TMEM181: variants seen among roughly 807,000 people sequenced by gnomAD.
TMEM181 encodes G protein-coupled receptor 178.
In TMEM181, 39 loss-of-function variants were observed where a neutral mutation model predicts 71.9. The ratio of observed to expected loss-of-function variants is 0.54; its 90% CI spans 0.42 to 0.71. TMEM181 has a LOEUF of 0.71. Ranked by LOEUF, TMEM181 falls within the 30% of genes least tolerant of loss-of-function variation. The probability of loss-of-function intolerance (pLI) is 0.00; values close to 1 mark genes in which losing one functional copy is unlikely to be tolerated. For synonymous variants in TMEM181, 245 were observed against 228.8 expected (o/e 1.07, Z -0.64); for missense variants, 595 against 583.0 (o/e 1.02, Z -0.21).
intron 13 of TMEM181, chr6:158,628,147 G>A: frequency 3.1e-6 from 2 of 639,450 alleles, no homozygotes; most frequent in South Asian, 1.5e-5. Context: ...GATGGGGCCT[G>A]CAGCAGGGTT....
intron 10 of TMEM181, chr6:158,609,559 A>G (rs1785168830): frequency 6.5e-6 from 1 of 153,654 alleles, no homozygotes. Context: ...CGCTTTGAGG[A>G]AAAATATCCC....
chr6:158,591,914 C>CT (rs1451296517), intron 6 of TMEM181, among the ~76,000 whole-genome samples: 3 of 152,128 alleles, frequency 2.0e-5, no homozygotes, highest in African/African-American at 7.2e-5. Flanking sequence ...GTTAGGTGAA[C>CT]TAGGTACATG....
chr6:158,542,304 T>C (rs1463254041), intron 1 of TMEM181, among the ~76,000 whole-genome samples: 1 of 152,226 alleles, frequency 6.6e-6, no homozygotes, highest in African/African-American at 2.4e-5. Flanking sequence ...TCTCTTGAAT[T>C]ATATTTTGTC....
At chr6:158,626,880 T>A (rs76028124) in intron 13 of TMEM181, among the ~76,000 whole-genome samples, 18,826 of 137,274 alleles carry the variant, frequency 0.14, 1,365 homozygotes, top group Middle Eastern at 0.22. Context: ...ACTCTCACAC[T>A]CTCACACCCC....
In TMEM181 at chr6:158,579,284, G is replaced by T. The variant is rs148672015; in HGVS notation, c.113-1656G>T. On this transcript the variant is annotated intron_variant, in intron 2 of 16. Coordinates refer to ENST00000684151, the MANE Select transcript of TMEM181 (RefSeq NM_001376852.1). ...CAAAATTAAAAAAAAAAAAAGCAGGGTCTTGATATTTGTACACCCATGTTC... is the reference window on the plus strand; with the variant it reads ...CAAAATTAAAAAAAAAAAAAGCAGGTTCTTGATATTTGTACACCCATGTTC... Among the ~76,000 whole-genome samples, 452 of 151,088 alleles carry T rather than the reference G, an allele frequency of 3.0e-3. 4 individuals carry two copies. The highest frequency in any genetic ancestry group is 0.01 in the African/African-American group (432 of 41,172).
intron 10 of TMEM181, chr6:158,610,957 TG>T: frequency 2.3e-6 from 1 of 426,952 alleles, no homozygotes. Flanking sequence ...AATCTGACCG[TG>T]GAGATCTCCA....
intron 10 of TMEM181, among the ~76,000 whole-genome samples, chr6:158,619,596 C>T (rs1315043846): frequency 3.3e-5 from 5 of 151,994 alleles, no homozygotes; most frequent in East Asian, 1.9e-4. Context: ...GTTGGCCAGG[C>T]GCGGTGGCTC....
At chr6:158,614,203 T>C (rs1785483252) in intron 10 of TMEM181, among the ~76,000 whole-genome samples, 1 of 152,220 alleles carries the variant, frequency 6.6e-6, no homozygotes, top group East Asian at 1.9e-4. Flanking sequence ...GGCCGGGGGT[T>C]AGGAAAGACA....
chr6:158,596,188 G>A (rs1784381438), intron 6 of TMEM181, among the ~76,000 whole-genome samples: 1 of 152,128 alleles, frequency 6.6e-6, no homozygotes, highest in African/African-American at 2.4e-5. Flanking sequence ...CAAAGTGCTG[G>A]GATTACCAGT....
In TMEM181 at chr6:158,632,102, A is replaced by C; in HGVS notation, c.*214A>C. ...GGTGGCTACGAGAAGAGGCATTGAT[A>C]ACAAGTTTCAACAGCCAAATCCTTT... On this transcript the variant is annotated 3_prime_UTR_variant, in exon 17 of 17. Coordinates refer to ENST00000684151, the MANE Select transcript of TMEM181 (RefSeq NM_001376852.1). 1.9e-6 allele frequency: 1 copy of C among 537,144 alleles called. No homozygotes were observed. Among genetic ancestry groups the C allele is most frequent in the South Asian group, 2.5e-5 (1 of 40,022 alleles). 33.3% of individuals were successfully genotyped at this position (537,144 alleles called of 1,614,324 possible).
intron 1 of TMEM181, among the ~76,000 whole-genome samples, chr6:158,538,707 A>G (rs947196466): frequency 3.9e-5 from 6 of 152,226 alleles, no homozygotes; most frequent in African/African-American, 1.4e-4. Flanking sequence ...CTTACAGATA[A>G]TAAACCAAGT....
chr6:158,600,458 ATTTTTTT>A (rs61457107), intron 6 of TMEM181, among the ~76,000 whole-genome samples: 2 of 91,870 alleles, frequency 2.2e-5, no homozygotes, highest in Admixed American at 1.2e-4. Context: ...CCTAGGGTTA[ATTTTTTT>A]TTTTTTTTTT....
chr6:158,599,226 G>GT (rs1217110641), intron 6 of TMEM181, among the ~76,000 whole-genome samples: 1 of 152,210 alleles, frequency 6.6e-6, no homozygotes, highest in Non-Finnish European at 1.5e-5. Context: ...GACATCACCT[G>GT]TGCCTGCACG....
intron 1 of TMEM181, among the ~76,000 whole-genome samples, chr6:158,565,893 G>A (rs569397107): frequency 6.6e-6 from 1 of 152,336 alleles, no homozygotes; most frequent in South Asian, 2.1e-4. Context: ...CGCAGGATGG[G>A]CAGTGCCCCA....
intron 10 of TMEM181, among the ~76,000 whole-genome samples, chr6:158,622,266 G>A (rs747734691): frequency 6.6e-6 from 1 of 152,142 alleles, no homozygotes; most frequent in African/African-American, 2.4e-5. Flanking sequence ...GTTGTGTGAC[G>A]TGCTCTCTCT....
intron 1 of TMEM181, among the ~76,000 whole-genome samples, chr6:158,566,190 G>A (rs1782482612): frequency 6.6e-6 from 1 of 152,098 alleles, no homozygotes; most frequent in Non-Finnish European, 1.5e-5. Context: ...GTGTGAGGCA[G>A]GTCATGTGTG....
intron 10 of TMEM181, chr6:158,611,382 A>T (rs914291682): frequency 1.9e-5 from 10 of 534,396 alleles, no homozygotes; most frequent in African/African-American, 1.7e-4. Flanking sequence ...ATTTCCCTGG[A>T]TGCCCTGGTT....
chr6:158,630,632 G>A (rs1452058681), intron 15 of TMEM181, among the ~76,000 whole-genome samples: 3 of 151,600 alleles, frequency 2.0e-5, no homozygotes, highest in African/African-American at 7.3e-5. Context: ...TTGACTTCAC[G>A]ATATTTTCAA....
chr6:158,614,872 T>G (rs936250607), intron 10 of TMEM181, among the ~76,000 whole-genome samples: 13 of 152,262 alleles, frequency 8.5e-5, no homozygotes, highest in African/African-American at 2.9e-4. Context: ...CACATTTTCT[T>G]AATCCAGTCT....
Sources: allele counts gnomAD v4.1 joint callset (sites outside exome capture counted in the v4.1 genomes callset), GRCh38; gene constraint gnomAD v4.1.1; transcripts MANE v1.5; gene names NCBI Gene and HGNC (gene_info 2026-07-23, HGNC 2026-07-21).